KCNK2: variants seen among roughly 807,000 people sequenced by gnomAD.
KCNK2 encodes the protein potassium channel subfamily K member 2.
KCNK2 carries 21 observed loss-of-function variants against 40.5 expected under a neutral mutation model. The observed-to-expected ratio is 0.52, with a 90% CI of 0.37 to 0.75. KCNK2 has a LOEUF of 0.75. Ranked by LOEUF, KCNK2 falls within the 30% of genes least tolerant of loss-of-function variation. The probability of loss-of-function intolerance (pLI) is 0.00; values close to 1 mark genes in which losing one functional copy is unlikely to be tolerated. For missense variants in KCNK2, 399 were observed against 531.6 expected (o/e 0.75, Z 2.45); for synonymous variants, 191 against 202.2 (o/e 0.94, Z 0.47).
At chr1:215,149,588 G>T in intron 3 of KCNK2, among the ~76,000 whole-genome samples, 1 of 152,218 alleles carries the variant, frequency 6.6e-6, no homozygotes, top group South Asian at 2.1e-4. Flanking sequence ...CTAGCCTTTC[G>T]CTAAGGTCAA....
intron 1 of KCNK2, among the ~76,000 whole-genome samples, chr1:215,021,575 T>TTC (rs1558059406): frequency 7.8e-6 from 1 of 128,628 alleles, no homozygotes; most frequent in African/African-American, 3.2e-5. Context: ...AGACGGAATC[T>TTC]CGCTCTGTCG....
At chr1:215,226,049 T>C (rs1206143282) in intron 6 of KCNK2, among the ~76,000 whole-genome samples, 1 of 152,194 alleles carries the variant, frequency 6.6e-6, no homozygotes, top group African/African-American at 2.4e-5. Context: ...TCTAAAAATG[T>C]TGAAATATGG....
chr1:215,156,753 C>A (rs1662948275), intron 3 of KCNK2, among the ~76,000 whole-genome samples: 1 of 152,022 alleles, frequency 6.6e-6, no homozygotes, highest in Non-Finnish European at 1.5e-5. Flanking sequence ...GCATGTCTTA[C>A]CATGGTGCAA....
chr1:215,223,032 A>G (rs1666243338), intron 6 of KCNK2, among the ~76,000 whole-genome samples: 1 of 152,114 alleles, frequency 6.6e-6, no homozygotes, highest in African/African-American at 2.4e-5. Flanking sequence ...AAATTAAAAT[A>G]CCACCTCCAA....
At chr1:215,133,441 A>G (rs1231860758) in intron 3 of KCNK2, among the ~76,000 whole-genome samples, 1 of 152,118 alleles carries the variant, frequency 6.6e-6, no homozygotes, top group East Asian at 1.9e-4. Flanking sequence ...AGAGCATCTG[A>G]CTGACCACCA....
At chr1:215,095,916 A>G (rs1177877699) in intron 2 of KCNK2, among the ~76,000 whole-genome samples, 1 of 152,034 alleles carries the variant, frequency 6.6e-6, no homozygotes, top group Admixed American at 6.6e-5. Flanking sequence ...CAAATAAAAT[A>G]TTTTGCTAAA....
intron 1 of KCNK2, among the ~76,000 whole-genome samples, chr1:215,044,830 C>CGT (rs1283144456): frequency 4.5e-4 from 60 of 132,474 alleles, no homozygotes; most frequent in African/African-American, 1.8e-3. Context: ...TGTGTGTGCG[C>CGT]GCGCACACGT....
At chr1:215,068,634 T>C (rs899371196) in intron 1 of KCNK2, among the ~76,000 whole-genome samples, 2 of 152,216 alleles carry the variant, frequency 1.3e-5, no homozygotes, top group Admixed American at 6.5e-5. Context: ...TAGATTTGCA[T>C]TGGCAATTGT....
intron 5 of KCNK2, among the ~76,000 whole-genome samples, chr1:215,192,141 T>G (rs1664694623): frequency 6.6e-6 from 1 of 152,216 alleles, no homozygotes. Flanking sequence ...ATCACAGATA[T>G]GTTAATTTGG....
intron 1 of KCNK2, among the ~76,000 whole-genome samples, chr1:215,052,950 G>A (rs896982763): frequency 6.6e-6 from 1 of 152,072 alleles, no homozygotes; most frequent in Non-Finnish European, 1.5e-5. Flanking sequence ...ATAAACAGTA[G>A]TTATGTCAAA....
intron 3 of KCNK2, among the ~76,000 whole-genome samples, chr1:215,126,069 G>A (rs962369915): frequency 7.2e-5 from 11 of 151,868 alleles, no homozygotes; most frequent in Non-Finnish European, 1.6e-4. Flanking sequence ...CTTATTTTTT[G>A]ATGTCATTCA....
rs1665832975 is a variant in KCNK2, at chr1:215,213,580, T to G, written c.963+18488T>G. Among the ~76,000 whole-genome samples, 3 of 152,234 alleles carry G rather than the reference T, an allele frequency of 2.0e-5. No individual in the cohort carries two copies. The South Asian group carries it at 6.2e-4, about 32-fold the overall frequency. On this transcript the variant is annotated intron_variant, in intron 6 of 6. Transcript: ENST00000444842. ...GAGCTGAGATCATGCCATTGCACTCTGGCCTGGGTGACAAGAGCAAAACTC... is the reference window on the plus strand; with the variant it reads ...GAGCTGAGATCATGCCATTGCACTCGGGCCTGGGTGACAAGAGCAAAACTC...
chr1:215,073,790 A>G (rs1655190747), intron 1 of KCNK2, among the ~76,000 whole-genome samples: 1 of 152,172 alleles, frequency 6.6e-6, no homozygotes. Flanking sequence ...TAGATGAGAT[A>G]CTGAGTGAAA....
At chr1:215,147,816 C>T (rs966048028) in intron 3 of KCNK2, among the ~76,000 whole-genome samples, 1 of 152,032 alleles carries the variant, frequency 6.6e-6, no homozygotes, top group Non-Finnish European at 1.5e-5. Flanking sequence ...GCCTGGGTGA[C>T]AGAGTGAGAC....
chr1:215,045,428 G>T (rs755399285), intron 1 of KCNK2, among the ~76,000 whole-genome samples: 1 of 152,142 alleles, frequency 6.6e-6, no homozygotes, highest in Non-Finnish European at 1.5e-5. Context: ...TTTCATTTCT[G>T]AATGTGACAA....
At chr1:215,126,469 A>G (rs1661440882) in intron 3 of KCNK2, among the ~76,000 whole-genome samples, 1 of 152,128 alleles carries the variant, frequency 6.6e-6, no homozygotes, top group African/African-American at 2.4e-5. Flanking sequence ...TTTATTGTGT[A>G]AACTACTTAG....
At chr1:215,110,755 A>T (rs1021510268) in intron 2 of KCNK2, among the ~76,000 whole-genome samples, 1 of 99,582 alleles carries the variant, frequency 1.0e-5, no homozygotes, top group South Asian at 2.5e-4. Flanking sequence ...CCCTGCCCCC[A>T]CACATGCATA....
At chr1:215,221,848 A>G (rs1342376966) in intron 6 of KCNK2, among the ~76,000 whole-genome samples, 1 of 152,224 alleles carries the variant, frequency 6.6e-6, no homozygotes, top group East Asian at 1.9e-4. Context: ...ATCCTCATCT[A>G]TATTTAGGCT....
At chr1:215,122,008 A>C (rs1661209336) in intron 2 of KCNK2, among the ~76,000 whole-genome samples, 1 of 152,204 alleles carries the variant, frequency 6.6e-6, no homozygotes, top group South Asian at 2.1e-4. Context: ...TAAGATAAAA[A>C]TTTTGAGAAT....
Sources: allele counts gnomAD v4.1 joint callset (sites outside exome capture counted in the v4.1 genomes callset), GRCh38; gene constraint gnomAD v4.1.1; transcripts MANE v1.5; gene names NCBI Gene and HGNC (gene_info 2026-07-23, HGNC 2026-07-21).